The following SCAP variants were observed in gnomAD, a reference collection of about 807,000 sequenced individuals.
SCAP encodes sterol regulatory element-binding protein cleavage-activating protein.
In SCAP, 65 loss-of-function variants were observed where a neutral mutation model predicts 123.6. The observed-to-expected ratio is 0.53, with a 90% CI of 0.43 to 0.65. The LOEUF (loss-of-function observed/expected upper bound fraction) is 0.65, where lower values mean the gene tolerates loss of function less well. Among genes scored for constraint, SCAP ranks in the 30% least tolerant of loss-of-function variants. The pLI is 0.00. For missense variants in SCAP, 1,398 were observed against 1,712.5 expected, an observed-to-expected ratio of 0.82 and a Z score of 3.24; for synonymous variants, 740 against 726.3, an observed-to-expected ratio of 1.02 and a Z score of -0.30.
chr3:47,418,148 G>T lies in SCAP; in HGVS notation c.2433C>A (p.Arg811=). ...WDAQTGDCLT[R]IPRPGRQRRD... ...GCCGCACCTACCCTGGGCGCGGAAT[G>T]CGCGTTAGGCAATCCCCGGTCTGCG... Residue 811 remains arginine, a synonymous_variant, in exon 16 of 23, where the codon CGC becomes CGA. Coordinates refer to ENST00000265565, the MANE Select transcript of SCAP (RefSeq NM_012235.4). The T allele has an allele frequency of 6.4e-7, 1 of 1,564,814 alleles. No homozygotes were observed. Among genetic ancestry groups the T allele is most frequent in the Non-Finnish European group, 8.7e-7 (1 of 1,155,418 alleles).
chr3:47,422,527 C>A lies in SCAP; in HGVS notation c.1160G>T (p.Ser387Ile). The A allele has an allele frequency of 6.2e-7, 1 of 1,612,288 alleles. No homozygotes were observed. The highest frequency in any genetic ancestry group is 8.5e-7 in the Non-Finnish European group (1 of 1,178,988). The stretch of plus-strand genomic sequence containing the variant: ...GTTCTTCATGATGGACCAGCTCTCG[C>A]TGCTTAGGCCTGCAGAGGGCAGCAA... ...VKLRIAQGLS[S>I]ESWSIMKNMA... The change falls in exon 10 of 23, where the codon AGC (serine) becomes ATC (isoleucine). Residue 387 changes from serine to isoleucine, a missense_variant. Around this residue, in one of 7 missense-constraint regions of SCAP, gnomAD observed 66 missense variants for 116.3 expected, o/e 0.57. Coordinates refer to ENST00000265565, the MANE Select transcript of SCAP (RefSeq NM_012235.4).
chr3:47,423,213 C>T (rs1319850962), intron 9 of SCAP, among the ~76,000 whole-genome samples: 1 of 152,224 alleles, frequency 6.6e-6, no homozygotes, highest in East Asian at 1.9e-4. Flanking sequence ...GTGACCAGGC[C>T]TCCAAGGCCA....
intron 4 of SCAP, 67 bp from the exon 5 acceptor site, chr3:47,427,734 G>A (rs1706200435): frequency 4.3e-6 from 6 of 1,382,224 alleles, no homozygotes; most frequent in Middle Eastern, 2.4e-4. Context: ...CTGTACTTAG[G>A]GGACATCCTC....
In SCAP at chr3:47,439,766, C is replaced by A. The variant is rs1706726180; in HGVS notation, c.122+3106G>T. On this transcript the variant is annotated intron_variant, in intron 2 of 22. Coordinates refer to ENST00000265565, the MANE Select transcript of SCAP (RefSeq NM_012235.4). The surrounding 1 kb of genome is among the most constrained non-coding windows in gnomAD (Gnocchi z 4.0). ...CCCAGAGGAAAGAACAGTCACTGCA[C>A]CCAGGGGCCAGGCAGGAAGAACAGC... 6.6e-6 allele frequency among the ~76,000 whole-genome samples: 1 copy of A among 152,176 alleles called. No homozygotes were observed. Among genetic ancestry groups the A allele is most frequent in the Non-Finnish European group, 1.5e-5 (1 of 68,038 alleles).
intron 1 of SCAP, among the ~76,000 whole-genome samples, chr3:47,448,395 G>C (rs11130129): frequency 0.38 from 56,974 of 151,838 alleles, 11,092 homozygotes; most frequent in East Asian, 0.53. Context: ...TTTCTACGTA[G>C]ACTTATCATG....
chr3:47,437,524 T>C (rs1380342948), intron 2 of SCAP, among the ~76,000 whole-genome samples: 5 of 151,742 alleles, frequency 3.3e-5, no homozygotes, highest in Admixed American at 1.3e-4. Context: ...AAGGATTTCT[T>C]GAGCCCAGGA....
intron 10 of SCAP, among the ~76,000 whole-genome samples, chr3:47,422,202 G>A (rs1576259290): frequency 2.6e-5 from 4 of 152,292 alleles, no homozygotes; most frequent in African/African-American, 9.6e-5. Context: ...GTCAAGGGCA[G>A]AGTCTGCCTG....
intron 1 of SCAP, chr3:47,469,856 CAA>C: frequency 1.7e-6 from 1 of 573,404 alleles, no homozygotes. Flanking sequence ...GATCATAGTG[CAA>C]AGAGAGCTCT....
chr3:47,472,456 A>C (rs1708064516), intron 1 of SCAP, among the ~76,000 whole-genome samples: 1 of 24,308 alleles, frequency 4.1e-5, no homozygotes, highest in African/African-American at 7.9e-5. Context: ...AAAAAAATAA[A>C]ATAAAATAAT....
At chr3:47,425,673 C>T in intron 7 of SCAP, 62 bp from the exon 8 acceptor site, 1 of 1,567,680 alleles carries the variant, frequency 6.4e-7, no homozygotes, top group Non-Finnish European at 8.7e-7. Context: ...CACTGGGGCT[C>T]CCGGGAGTAG....
At chr3:47,432,249 G>A (rs898733037) in intron 3 of SCAP, among the ~76,000 whole-genome samples, 5 of 149,496 alleles carry the variant, frequency 3.3e-5, no homozygotes, top group African/African-American at 4.9e-5. Context: ...CCCGGGAGGC[G>A]GAGGTTCCAG....
intron 1 of SCAP, chr3:47,469,785 T>A (rs1444721928): frequency 1.9e-6 from 1 of 535,598 alleles, no homozygotes; most frequent in Non-Finnish European, 3.7e-6. Flanking sequence ...TTATATTCAT[T>A]GCTCAACAAG....
At chr3:47,422,369 C>CCATGGCTGCACAGCTGGGGAGCACCCTGT in intron 10 of SCAP, 73 bp downstream of exon 10, 1 of 1,362,444 alleles carries the variant, frequency 7.3e-7, no homozygotes, top group Non-Finnish European at 1.0e-6. Context: ...GAGCACCCTG[C>CCATGGCTGCACAGCTGGGGAGCACCCTGT]CCATGGCTGC....
chr3:47,472,156 G>A (rs1027525465), intron 1 of SCAP, among the ~76,000 whole-genome samples: 5 of 150,864 alleles, frequency 3.3e-5, no homozygotes, highest in African/African-American at 7.3e-5. Flanking sequence ...AAATGGGGCC[G>A]GGCGCGGTGG....
intron 18 of SCAP, among the ~76,000 whole-genome samples, chr3:47,416,074 A>C (rs1705556696): frequency 6.6e-6 from 1 of 152,244 alleles, no homozygotes; most frequent in Non-Finnish European, 1.5e-5. Context: ...ACTGGCAGAA[A>C]TCAACATCAC....
chr3:47,474,436 C>T (rs968499464), intron 1 of SCAP, among the ~76,000 whole-genome samples: 4 of 152,014 alleles, frequency 2.6e-5, no homozygotes, highest in African/African-American at 9.7e-5. Context: ...ATCATGTGCT[C>T]AGTGGGAATA....
Position 47,417,651 on chromosome 3 carries a change from A to T in SCAP, c.2623T>A (p.Cys875Ser). The change falls in exon 17 of 23, where the codon TGC becomes AGC. Residue 875 changes from cysteine to serine, a missense_variant. Cys to Ser is a moderately radical substitution (Grantham distance 112). This residue lies in a region of SCAP where 828 missense variants were observed against 882.5 expected (regional missense o/e 0.94). Coordinates refer to ENST00000265565, the MANE Select transcript of SCAP (RefSeq NM_012235.4). ...SLFGDQPDLTCLIDTNFSAQP... is the reference protein window; with the variant it reads ...SLFGDQPDLTSLIDTNFSAQP... ...GCTGAAAAGTTGGTGTCAATTAAGC[A>T]GGTGAGGTCAGGCTGGTCCCCGAAG... 6.2e-7 allele frequency: 1 copy of T among 1,608,732 alleles called. No homozygotes were observed. The highest frequency in any genetic ancestry group is 8.5e-7 in the Non-Finnish European group (1 of 1,178,392).
intron 1 of SCAP, among the ~76,000 whole-genome samples, chr3:47,464,784 T>A (rs1004176781): frequency 2.0e-5 from 3 of 152,178 alleles, no homozygotes; most frequent in African/African-American, 7.2e-5. Flanking sequence ...ACTGCCTCAT[T>A]TACCCTTTCT....
intron 1 of SCAP, 85 bp from the exon 2 acceptor site, chr3:47,443,176 G>T: frequency 9.4e-7 from 1 of 1,064,078 alleles, no homozygotes; most frequent in Non-Finnish European, 1.3e-6. Flanking sequence ...TAGTTATGTG[G>T]CTGGGGAATG....
Sources: allele counts gnomAD v4.1 joint callset (sites outside exome capture counted in the v4.1 genomes callset), GRCh38; gene constraint gnomAD v4.1.1; regional missense constraint gnomAD v4.1.1; non-coding constraint Gnocchi (gnomAD v3.1); transcripts MANE v1.5; gene names NCBI Gene and HGNC (gene_info 2026-07-23, HGNC 2026-07-21).